Variants in LYPLAL1 observed in about 807,000 individuals in gnomAD.
The protein encoded by LYPLAL1 is lysophospholipase like 1, also known as lysophospholipase-like protein 1.
In LYPLAL1, 23 loss-of-function variants were observed where a neutral mutation model predicts 19.7. That is an observed-to-expected ratio of 1.17 (90% CI 0.84 to 1.65). The LOEUF is 1.65. Ranked by LOEUF, LYPLAL1 falls within the 40% of genes most tolerant of loss-of-function variation. LYPLAL1 has a pLI of 0.00. For synonymous variants in LYPLAL1, 119 were observed against 96.3 expected, an observed-to-expected ratio of 1.24 and a Z score of -1.38; for missense variants, 355 against 279.4, an observed-to-expected ratio of 1.27 and a Z score of -1.93.
the LYPLAL1 span, among the ~76,000 whole-genome samples, chr1:219,236,819 G>GTGCCATGGTGGTTTGCTGTACC: frequency 6.6e-6 from 1 of 152,130 alleles, no homozygotes; most frequent in Non-Finnish European, 1.5e-5. Context: ...AGGTAAACGT[G>GTGCCATGGTGGTTTGCTGTACC]TGCCATGGTG....
chr1:219,279,707 G>A, the LYPLAL1 span, among the ~76,000 whole-genome samples: 1 of 152,130 alleles, frequency 6.6e-6, no homozygotes, highest in African/African-American at 2.4e-5. Flanking sequence ...ATTTTTTATA[G>A]GATGTTTGTT....
At chr1:219,299,233 AT>A in the LYPLAL1 span, among the ~76,000 whole-genome samples, 12 of 149,234 alleles carry the variant, frequency 8.0e-5, no homozygotes, top group South Asian at 2.5e-3. Context: ...ATTCACCCTT[AT>A]AAAAGGATAA....
the LYPLAL1 span, among the ~76,000 whole-genome samples, chr1:219,232,685 G>T: frequency 1.3e-5 from 2 of 152,028 alleles, no homozygotes; most frequent in Non-Finnish European, 2.9e-5. Flanking sequence ...CAACTCAACT[G>T]CAAGAAAACA....
chr1:219,360,621 G>GTGCATATGTGTGTTTGCACATA, the LYPLAL1 span, among the ~76,000 whole-genome samples: 1 of 152,152 alleles, frequency 6.6e-6, no homozygotes, highest in African/African-American at 2.4e-5. Context: ...GTGTGTGTCT[G>GTGCATATGTGTGTTTGCACATA]TGCATATGTG....
chr1:219,232,885 TAAC>T, the LYPLAL1 span, among the ~76,000 whole-genome samples: 1 of 143,174 alleles, frequency 7.0e-6, no homozygotes, highest in Non-Finnish European at 1.5e-5. Flanking sequence ...AAAAGGAAAA[TAAC>T]AAGTGTTTGT....
the LYPLAL1 span, among the ~76,000 whole-genome samples, chr1:219,368,599 A>G: frequency 6.6e-6 from 1 of 152,238 alleles, no homozygotes; most frequent in South Asian, 2.1e-4. Context: ...AGATAAGGCC[A>G]TTGACTAAGC....
At position 219,173,978 on chromosome 1, in the gene LYPLAL1, T is replaced by C; in HGVS notation, c.88T>C (p.Ser30Pro). 6.2e-7 allele frequency: 1 copy of C among 1,614,044 alleles called. No individual in the cohort carries two copies. Residue 30 changes from serine to proline, a missense_variant, in exon 1 of 5, where the codon TCA (serine) becomes CCA (proline). By Grantham distance (74) the Ser-to-Pro change is moderately conservative. Transcript: ENST00000366928. The part of the protein sequence containing the change: ...HSASLIFLHG[S>P]GDSGQGLRMW... ...CGCCTCTCTGATCTTCCTGCATGGC[T>C]CAGGTGGATTTCAATTTTACGTCCT...
chr1:219,177,812 C>G (rs1655948361), intron 1 of LYPLAL1, among the ~76,000 whole-genome samples: 1 of 152,158 alleles, frequency 6.6e-6, no homozygotes, highest in Non-Finnish European at 1.5e-5. Context: ...CAGATTGATC[C>G]TTTAGAATCA....
chr1:219,377,586 G>C, the LYPLAL1 span, among the ~76,000 whole-genome samples: 14 of 152,090 alleles, frequency 9.2e-5, 1 homozygote, highest in African/African-American at 3.4e-4. Flanking sequence ...TTTTACAAAA[G>C]GACTCACCTG....
chr1:219,217,863 T>C (rs1568804), downstream of LYPLAL1, among the ~76,000 whole-genome samples: 94,985 of 151,908 alleles, frequency 0.63, 30,161 homozygotes, highest in East Asian at 0.92. Flanking sequence ...TGAGGAGAAA[T>C]TGCAGCAAGA....
At chr1:219,429,438 C>G in the LYPLAL1 span, among the ~76,000 whole-genome samples, 1 of 152,000 alleles carries the variant, frequency 6.6e-6, no homozygotes, top group Non-Finnish European at 1.5e-5. Context: ...CAGGAGGATT[C>G]CTAGAGGACA....
the LYPLAL1 span, among the ~76,000 whole-genome samples, chr1:219,234,548 G>T: frequency 6.6e-6 from 1 of 152,048 alleles, no homozygotes; most frequent in Non-Finnish European, 1.5e-5. Flanking sequence ...TTTATATTTA[G>T]AGAAAATATT....
the LYPLAL1 span, among the ~76,000 whole-genome samples, chr1:219,291,400 A>C: frequency 2.0e-5 from 3 of 152,214 alleles, no homozygotes; most frequent in Non-Finnish European, 1.5e-5. Context: ...AGTAAAAAGC[A>C]TACAAATATT....
chr1:219,334,216 T>G, the LYPLAL1 span, among the ~76,000 whole-genome samples: 1 of 152,014 alleles, frequency 6.6e-6, no homozygotes, highest in African/African-American at 2.4e-5. Context: ...ATCAACCTTG[T>G]GACTTTGAGC....
the LYPLAL1 span, among the ~76,000 whole-genome samples, chr1:219,440,289 T>C: frequency 6.6e-6 from 1 of 152,032 alleles, no homozygotes; most frequent in African/African-American, 2.4e-5. Context: ...TAATTTCTTC[T>C]TTTAAAAAAA....
At chr1:219,363,573 A>C in the LYPLAL1 span, among the ~76,000 whole-genome samples, 2 of 152,172 alleles carry the variant, frequency 1.3e-5, no homozygotes, top group South Asian at 2.1e-4. Flanking sequence ...TGTAAACCTG[A>C]TCATGTTATT....
downstream of LYPLAL1, among the ~76,000 whole-genome samples, chr1:219,215,677 GGA>G (rs1339432954): frequency 6.6e-6 from 1 of 151,998 alleles, no homozygotes; most frequent in Non-Finnish European, 1.5e-5. Context: ...CTCATCTCAG[GGA>G]GTCCACCAGG....
chr1:219,345,975 G>T, the LYPLAL1 span, among the ~76,000 whole-genome samples: 1 of 152,062 alleles, frequency 6.6e-6, no homozygotes, highest in Admixed American at 6.6e-5. Context: ...TGGCCCCAGG[G>T]TCAGCAATGT....
At chr1:219,259,474 G>C in the LYPLAL1 span, among the ~76,000 whole-genome samples, 1 of 150,564 alleles carries the variant, frequency 6.6e-6, no homozygotes, top group Non-Finnish European at 1.5e-5. Flanking sequence ...AAAGGAAAGA[G>C]ATAATGGCAT....
Sources: allele counts gnomAD v4.1 joint callset (sites outside exome capture counted in the v4.1 genomes callset), GRCh38; gene constraint gnomAD v4.1.1; transcripts MANE v1.5; gene names NCBI Gene and HGNC (gene_info 2026-07-23, HGNC 2026-07-21).